The following USP24 variants were observed in gnomAD, a reference collection of about 807,000 sequenced individuals.
The protein encoded by USP24 is ubiquitin carboxyl-terminal hydrolase 24.
USP24 carries 97 observed loss-of-function variants against 361.6 expected under a neutral mutation model. The ratio of observed to expected loss-of-function variants is 0.27; its 90% CI spans 0.23 to 0.32. The LOEUF (loss-of-function observed/expected upper bound fraction) is 0.32, where lower values mean the gene tolerates loss of function less well. Among genes scored for constraint, USP24 ranks in the 10% least tolerant of loss-of-function variants. USP24 has a pLI of 1.00. For synonymous variants in USP24, 1,098 were observed against 1,124.6 expected (o/e 0.98, Z 0.47); for missense variants, 2,353 against 3,165.6 (o/e 0.74, Z 6.16).
At position 55,068,595 on chromosome 1, in the gene USP24, T is replaced by C. The variant is rs1207648681; in HGVS notation, c.*450A>G. The C allele has an allele frequency of 6.3e-6, 1 of 159,172 alleles. No homozygotes were observed. The highest frequency in any genetic ancestry group is 2.4e-5 in the African/African-American group (1 of 41,684). 9.9% of individuals were successfully genotyped at this position (159,172 alleles called of 1,614,324 possible). A position where few individuals can be genotyped will look rare whatever the true frequency, so the allele number is the denominator to read the frequency against. ...TCTTTACATCATTTTAAATTGGATA[T>C]TCCTGTTTAATATTACTGCAAGATT... On this transcript the variant is annotated 3_prime_UTR_variant, in exon 68 of 68. Coordinates refer to ENST00000294383, the MANE Select transcript of USP24 (RefSeq NM_015306.3).
At chr1:55,159,852 C>T (rs1648087519) in intron 8 of USP24, among the ~76,000 whole-genome samples, 167 bp from the exon 9 acceptor site, 1 of 152,218 alleles carries the variant, frequency 6.6e-6, no homozygotes, top group Non-Finnish European at 1.5e-5. Context: ...AAACCCTTAA[C>T]TGACTCTGCT....
chr1:55,214,947 A>T lies in USP24; in HGVS notation c.167T>A (p.Met56Lys). Reference sequence around the variant, plus strand: ...GGGGCTGGGGCCACCGCCGCTGTCCATGGGCTCGTAGCCGCCGTAGTCGAG... The same window carrying T: ...GGGGCTGGGGCCACCGCCGCTGTCCTTGGGCTCGTAGCCGCCGTAGTCGAG... ...PGLDYGGYEP[M>K]DSGGGPSPGP... The change falls in exon 1 of 68, where the codon ATG becomes AAG. Residue 56 changes from methionine (M) to lysine (K), a missense_variant. Transcript: ENST00000294383. 7.1e-7 allele frequency: 1 copy of T among 1,413,618 alleles called. No homozygotes were observed. Among genetic ancestry groups the T allele is most frequent in the East Asian group, 3.2e-5 (1 of 31,510 alleles). The allele number at this position is 1,413,618 out of a possible 1,614,324, so 87.6% of individuals were successfully genotyped here.
intron 45 of USP24, 138 bp from the exon 46 acceptor site, chr1:55,098,696 T>C: frequency 1.5e-6 from 1 of 666,750 alleles, no homozygotes; most frequent in South Asian, 1.8e-5. Context: ...GAATGGAGGC[T>C]AAACCCATTA....
chr1:55,175,102 T>C (rs1392736128), intron 3 of USP24, among the ~76,000 whole-genome samples: 1 of 151,980 alleles, frequency 6.6e-6, no homozygotes, highest in Non-Finnish European at 1.5e-5. Flanking sequence ...AAGCTACTTT[T>C]GCTTCTAAAA....
chr1:55,197,549 A>G (rs1404505547), intron 1 of USP24, among the ~76,000 whole-genome samples: 3 of 152,226 alleles, frequency 2.0e-5, no homozygotes, highest in Non-Finnish European at 4.4e-5. Flanking sequence ...TTCAGGCACA[A>G]AAGAGAAAGC....
chr1:55,148,905 C>A (rs985194066), intron 16 of USP24, among the ~76,000 whole-genome samples: 1 of 152,138 alleles, frequency 6.6e-6, no homozygotes, highest in Non-Finnish European at 1.5e-5. Flanking sequence ...CATGTTGACA[C>A]AAAATAAACT....
intron 10 of USP24, among the ~76,000 whole-genome samples, chr1:55,158,084 G>A (rs12138592): frequency 0.065 from 9,940 of 152,260 alleles, 665 homozygotes; most frequent in East Asian, 0.23. Context: ...GATCTCTACC[G>A]TATGAAAAAT....
At position 55,123,490 on chromosome 1, in the gene USP24, C is replaced by T. The variant is rs149751540; in HGVS notation, c.4233G>A (p.Leu1411=). Residue 1411 remains leucine (L), a synonymous_variant, in exon 36 of 68, where the codon TTG becomes TTA. Coordinates refer to ENST00000294383, the MANE Select transcript of USP24 (RefSeq NM_015306.3). ...GCTGTAGGCACGTAACAAGAAGAGA[C>T]AAAGCCTCTCCCGCAATCAGCGAGT... The part of the protein sequence containing the change: ...TKDSLIAGEA[L]SLLVTCLQLR... 2.0e-4 allele frequency: 323 copies of T among 1,602,592 alleles called. 2 individuals are homozygous for T. In the East Asian group the frequency reaches 7.1e-3, roughly 35 times the overall value.
chr1:55,165,352 G>A (rs1029382004), intron 7 of USP24, among the ~76,000 whole-genome samples: 1 of 152,066 alleles, frequency 6.6e-6, no homozygotes, highest in African/African-American at 2.4e-5. Flanking sequence ...TTAAAGATTA[G>A]TTATTCCCCT....
At position 55,215,223 on chromosome 1, in the gene USP24, C is replaced by T. The variant is rs1197060042; in HGVS notation, c.-110G>A. On this transcript the variant is annotated 5_prime_UTR_variant, in exon 1 of 68. Transcript: ENST00000294383. The stretch of plus-strand genomic sequence containing the variant: ...GCCGCCTCCGCGCCCAGGTTGGCCC[C>T]TGCGTTCCTGCCCCGGGTGCTCCGC... The T allele has an allele frequency of 4.4e-6, 4 of 902,998 alleles. No individual in the cohort carries two copies. Among genetic ancestry groups the T allele is most frequent in the East Asian group, 3.9e-5 (1 of 25,686 alleles). 55.9% of individuals were successfully genotyped at this position (902,998 alleles called of 1,614,324 possible).
chr1:55,202,105 A>C (rs950460144), intron 1 of USP24, among the ~76,000 whole-genome samples: 1 of 152,192 alleles, frequency 6.6e-6, no homozygotes, highest in African/African-American at 2.4e-5. Context: ...CTCCTTTTTA[A>C]GTATCCTCTA....
chr1:55,185,422 T>C (rs896704544), intron 1 of USP24, among the ~76,000 whole-genome samples: 1 of 150,976 alleles, frequency 6.6e-6, no homozygotes, highest in Non-Finnish European at 1.5e-5. Flanking sequence ...AATTTAAAAA[T>C]ATATAATAAA....
At chr1:55,073,766 T>A in intron 64 of USP24, 62 bp downstream of exon 64, 1 of 1,442,922 alleles carries the variant, frequency 6.9e-7, no homozygotes, top group Non-Finnish European at 9.5e-7. Context: ...GTTCCCCTTC[T>A]GCTCATATGT....
intron 1 of USP24, among the ~76,000 whole-genome samples, chr1:55,211,506 T>A (rs188927777): frequency 3.9e-4 from 59 of 152,364 alleles, no homozygotes; most frequent in African/African-American, 1.0e-3. Flanking sequence ...CTTTTTTATC[T>A]GCATTCTCCT....
intron 24 of USP24, 93 bp downstream of exon 24, chr1:55,141,523 A>G (rs1646889275): frequency 6.2e-6 from 7 of 1,122,430 alleles, no homozygotes; most frequent in Non-Finnish European, 9.1e-6. Flanking sequence ...TAAAATGAGG[A>G]AATCAATAAC....
rs1646139008 is a variant in USP24, at chr1:55,117,183, C to T, written c.4508+3413G>A. Among the ~76,000 whole-genome samples, 11 of 152,116 alleles carry T rather than the reference C, an allele frequency of 7.2e-5. 1 individual carries two copies. Among genetic ancestry groups the T allele is most frequent in the Admixed American group, 7.2e-4 (11 of 15,274 alleles). Reference sequence around the variant, plus strand: ...CAAACTACAAATAGAAGGAAACTACCTCAACATAATAAAGCCAGATATGAA... The same window carrying T: ...CAAACTACAAATAGAAGGAAACTACTTCAACATAATAAAGCCAGATATGAA... On this transcript the variant is annotated intron_variant, in intron 38 of 67. Coordinates refer to ENST00000294383, the MANE Select transcript of USP24 (RefSeq NM_015306.3).
At chr1:55,092,501 T>C (rs542207299) in intron 53 of USP24, among the ~76,000 whole-genome samples, 126 of 152,322 alleles carry the variant, frequency 8.3e-4, no homozygotes, top group Middle Eastern at 3.4e-3. Flanking sequence ...TATTACAAAT[T>C]AGGAATCTCC....
intron 1 of USP24, among the ~76,000 whole-genome samples, chr1:55,196,804 T>C (rs1644431429): frequency 6.6e-6 from 1 of 152,238 alleles, no homozygotes; most frequent in African/African-American, 2.4e-5. Flanking sequence ...GACAGTTGCC[T>C]GCAAGGCCCT....
Position 55,092,935 on chromosome 1 carries a change from AATT to A in USP24, c.6355-22_6355-20del. 5.5e-6 allele frequency: 8 copies of A among 1,461,816 alleles called. No individual in the cohort carries two copies. Among genetic ancestry groups the A allele is most frequent in the Non-Finnish European group, 6.4e-6 (7 of 1,090,706 alleles). 90.6% of individuals were successfully genotyped at this position (1,461,816 alleles called of 1,614,324 possible). On this transcript the variant is annotated intron_variant, in intron 52 of 67. Coordinates refer to ENST00000294383, the MANE Select transcript of USP24 (RefSeq NM_015306.3). The stretch of plus-strand genomic sequence containing the variant: ...TCACCATCTACAAAAGAAGATTAAT[AATT>A]ATTTTTATGAAATGGAAAAATATTC...
Sources: gnomAD v4.1 joint callset for allele counts (sites outside exome capture counted in the v4.1 genomes callset) on GRCh38, gnomAD v4.1.1 for gene constraint, MANE v1.5 for transcripts, NCBI Gene and HGNC (gene_info 2026-07-23, HGNC 2026-07-21) for gene names.